SCLT1: variants seen among roughly 807,000 people sequenced by gnomAD.
SCLT1 encodes sodium channel-associated protein 1.
Under a neutral mutation model 112.8 loss-of-function variants are expected in SCLT1, and 78 were observed. The ratio of observed to expected loss-of-function variants is 0.69; its 90% CI spans 0.58 to 0.83. The LOEUF (loss-of-function observed/expected upper bound fraction) is 0.83, where lower values mean the gene tolerates loss of function less well. Among genes scored for constraint, SCLT1 ranks in the 40% least tolerant of loss-of-function variants. The pLI is 0.00. For missense variants in SCLT1, 747 were observed against 770.4 expected (o/e 0.97, Z 0.36); for synonymous variants, 257 against 254.7 (o/e 1.01, Z -0.09).
intron 9 of SCLT1, among the ~76,000 whole-genome samples, chr4:128,977,929 G>C (rs1314223374): frequency 6.6e-6 from 1 of 152,148 alleles, no homozygotes; most frequent in Non-Finnish European, 1.5e-5. Flanking sequence ...AGGTAGACCA[G>C]AGAAAAGGGT....
At chr4:128,943,269 C>A in intron 16 of SCLT1, 81 bp from the exon 17 acceptor site, 1 of 989,676 alleles carries the variant, frequency 1.0e-6, no homozygotes, top group South Asian at 1.8e-5. Flanking sequence ...CATTTTATCA[C>A]ATGGACTTTT....
intron 4 of SCLT1, chr4:128,875,162 C>CTAT (rs1434260521): frequency 6.6e-6 from 1 of 152,512 alleles, no homozygotes; most frequent in Non-Finnish European, 1.5e-5. Flanking sequence ...TTTTGTTGAA[C>CTAT]TATTTAGTAG....
chr4:129,010,551 G>A (rs542277546), intron 5 of SCLT1, among the ~76,000 whole-genome samples: 1 of 152,290 alleles, frequency 6.6e-6, no homozygotes, highest in South Asian at 2.1e-4. Flanking sequence ...CCATGAGCAT[G>A]GAACATTTTT....
intron 2 of SCLT1, among the ~76,000 whole-genome samples, chr4:129,046,299 T>C (rs994126744): frequency 6.6e-6 from 1 of 152,112 alleles, no homozygotes; most frequent in Admixed American, 6.6e-5. Flanking sequence ...GTGAGAACTA[T>C]GTATATGACC....
At chr4:128,975,396 G>T (rs1041946076) in intron 9 of SCLT1, among the ~76,000 whole-genome samples, 3 of 151,848 alleles carry the variant, frequency 2.0e-5, no homozygotes, top group African/African-American at 7.3e-5. Flanking sequence ...ATAACATAAA[G>T]GATAGGATAT....
chr4:128,953,642 AC>A (rs1738959404), intron 13 of SCLT1, among the ~76,000 whole-genome samples: 1 of 151,638 alleles, frequency 6.6e-6, no homozygotes. Flanking sequence ...AAAAAAAAAT[AC>A]AAAAAATTAG....
chr4:128,954,411 T>C (rs1358334875), intron 13 of SCLT1, among the ~76,000 whole-genome samples: 1 of 149,616 alleles, frequency 6.7e-6, no homozygotes, highest in Non-Finnish European at 1.5e-5. Flanking sequence ...CCCCGCCTCC[T>C]GGGTTCACAC....
At chr4:129,062,152 C>T (rs1240206672) in intron 2 of SCLT1, among the ~76,000 whole-genome samples, 1 of 152,176 alleles carries the variant, frequency 6.6e-6, no homozygotes, top group Non-Finnish European at 1.5e-5. Context: ...AGAAATTCCT[C>T]CTTGTTCCTA....
intron 1 of SCLT1, among the ~76,000 whole-genome samples, chr4:129,086,770 A>G (rs1752431272): frequency 6.6e-6 from 1 of 152,126 alleles, no homozygotes; most frequent in Admixed American, 6.5e-5. Context: ...GGAAGCAGTC[A>G]AGGTGGTAAA....
intron 18 of SCLT1, among the ~76,000 whole-genome samples, chr4:128,920,555 G>T (rs904074886): frequency 3.9e-5 from 6 of 152,208 alleles, no homozygotes; most frequent in Non-Finnish European, 5.9e-5. Context: ...GCCTCCTAAA[G>T]TGCTGGGCGT....
intron 6 of SCLT1, among the ~76,000 whole-genome samples, chr4:129,000,661 C>G (rs778562060): frequency 1.3e-4 from 20 of 151,686 alleles, no homozygotes; most frequent in Non-Finnish European, 2.5e-4. Flanking sequence ...TTTTAAGTCT[C>G]AGTTTTAATT....
At chr4:129,044,789 C>A (rs1579825781) in intron 2 of SCLT1, among the ~76,000 whole-genome samples, 1 of 118,396 alleles carries the variant, frequency 8.4e-6, no homozygotes, top group African/African-American at 3.2e-5. Context: ...CCTAAAGTTC[C>A]ATGAATAAGT....
chr4:128,879,125 TA>T (rs537003032), downstream of SCLT1, among the ~76,000 whole-genome samples: 1,944 of 142,598 alleles, frequency 0.014, 27 homozygotes, highest in Admixed American at 0.057. Context: ...CTTAAAGTAT[TA>T]AAAAAAAAAA....
intron 9 of SCLT1, among the ~76,000 whole-genome samples, chr4:128,980,372 C>A (rs1015967599): frequency 6.6e-6 from 1 of 151,136 alleles, no homozygotes; most frequent in Non-Finnish European, 1.5e-5. Context: ...TCAGCACACA[C>A]ATTTTTAAAG....
At chr4:128,988,277 C>T (rs1330144595) in intron 9 of SCLT1, among the ~76,000 whole-genome samples, 2 of 151,924 alleles carry the variant, frequency 1.3e-5, no homozygotes, top group Non-Finnish European at 2.9e-5. Flanking sequence ...ATAAATACTA[C>T]AACTTTTGAA....
chr4:129,086,880 G>A (rs578084984), intron 1 of SCLT1, among the ~76,000 whole-genome samples: 13 of 152,152 alleles, frequency 8.5e-5, no homozygotes, highest in Admixed American at 6.5e-4. Flanking sequence ...ACTTGAATAG[G>A]ACTTCTGCTT....
At chr4:129,062,667 A>G (rs1750094232) in intron 2 of SCLT1, among the ~76,000 whole-genome samples, 1 of 151,996 alleles carries the variant, frequency 6.6e-6, no homozygotes, top group African/African-American at 2.4e-5. Context: ...TGGGTAAAGC[A>G]TTCTTGGTTG....
chr4:129,002,064 C>T (rs1743539020), intron 6 of SCLT1, among the ~76,000 whole-genome samples: 1 of 151,878 alleles, frequency 6.6e-6, no homozygotes, highest in African/African-American at 2.4e-5. Context: ...GCCTTTCTGA[C>T]TTACCTAAAA....
intron 2 of SCLT1, among the ~76,000 whole-genome samples, chr4:129,064,128 T>G (rs542015799): frequency 6.6e-6 from 1 of 152,224 alleles, no homozygotes; most frequent in Non-Finnish European, 1.5e-5. Flanking sequence ...TTTATCTAGC[T>G]CTCTTTCACC....
Sources: allele counts gnomAD v4.1 joint callset (sites outside exome capture counted in the v4.1 genomes callset), GRCh38; gene constraint gnomAD v4.1.1; transcripts MANE v1.5; gene names NCBI Gene and HGNC (gene_info 2026-07-23, HGNC 2026-07-21).